PITPNM2: variants seen among roughly 807,000 people sequenced by gnomAD.
The protein encoded by PITPNM2 is membrane-associated phosphatidylinositol transfer protein 2.
PITPNM2 carries 35 observed loss-of-function variants against 132.2 expected under a neutral mutation model. The observed-to-expected ratio is 0.26, with a 90% CI of 0.20 to 0.35. The LOEUF (loss-of-function observed/expected upper bound fraction) is 0.35. PITPNM2 is among the 10% of genes least tolerant of loss of function. The pLI is 1.00. For synonymous variants in PITPNM2, 738 were observed against 799.2 expected, an observed-to-expected ratio of 0.92 and a Z score of 1.29; for missense variants, 1,332 against 1,912.0, an observed-to-expected ratio of 0.70 and a Z score of 5.66.
chr12:123,017,045 CAAAAAAAAA>C (rs1240479984), intron 3 of PITPNM2, among the ~76,000 whole-genome samples: 2 of 82,584 alleles, frequency 2.4e-5, no homozygotes, highest in African/African-American at 9.3e-5. Flanking sequence ...GACTCCATCT[CAAAAAAAAA>C]AAAAGAAAAA....
chr12:122,987,064 G>T (rs533932864), intron 23 of PITPNM2, among the ~76,000 whole-genome samples: 1 of 152,274 alleles, frequency 6.6e-6, no homozygotes. Flanking sequence ...TTCCAGATGC[G>T]GGAATTGAAA....
chr12:122,998,732 C>T (rs1174967719), intron 10 of PITPNM2, among the ~76,000 whole-genome samples: 1 of 151,014 alleles, frequency 6.6e-6, no homozygotes, highest in Non-Finnish European at 1.5e-5. Flanking sequence ...CCTGAACTGG[C>T]CAGGGGGTAG....
chr12:123,100,321 T>G (rs2042530413), intron 2 of PITPNM2, among the ~76,000 whole-genome samples: 1 of 152,172 alleles, frequency 6.6e-6, no homozygotes. Context: ...AAATGAAACA[T>G]GTTCAATAAA....
At chr12:123,070,737 GC>G (rs1228888814) in intron 2 of PITPNM2, among the ~76,000 whole-genome samples, 1 of 152,202 alleles carries the variant, frequency 6.6e-6, no homozygotes, top group East Asian at 1.9e-4. Context: ...GCTTAGGCCT[GC>G]CCCCCATGCC....
intron 19 of PITPNM2, 55 bp downstream of exon 19, chr12:122,988,645 TCCCCTCGTCTGTGAAATGTGGCCC>T: frequency 7.1e-7 from 1 of 1,414,330 alleles, no homozygotes; most frequent in Non-Finnish European, 9.6e-7. Flanking sequence ...GTCCCCACTG[TCCCCTCGTCTGTGAAATGTGGCCC>T]TGTCATGGGT....
Position 123,064,573 on chromosome 12 carries a change from C to T in PITPNM2, c.-95-29888G>A, listed in dbSNP as rs1406542959. ...CCTGGGGCTATTTCGGGAAGCTCTG[C>T]GCACAGCCCGCCACTTCCCTGCCAG... On this transcript the variant is annotated intron_variant, in intron 2 of 25. Coordinates refer to ENST00000320201, the MANE Select transcript of PITPNM2 (RefSeq NM_020845.3). This position sits in a 1 kb window ranked among gnomAD's most constrained non-coding sequence, Gnocchi z 4.0. Among the ~76,000 whole-genome samples the T allele has an allele frequency of 6.6e-6, 1 of 152,160 alleles. No individual in the cohort carries two copies. The highest frequency in any genetic ancestry group is 2.4e-5 in the African/African-American group (1 of 41,418).
At position 123,022,870 on chromosome 12, in the gene PITPNM2, A is replaced by G. The variant is rs754439178; in HGVS notation, c.79-8828T>C. On this transcript the variant is annotated intron_variant, in intron 3 of 25. Coordinates refer to ENST00000320201, the MANE Select transcript of PITPNM2 (RefSeq NM_020845.3). This position sits in a 1 kb window ranked among gnomAD's most constrained non-coding sequence, Gnocchi z 4.9. Reference sequence around the variant, plus strand: ...GGGGCACCGGCCAGATGCCACATCTACACTCAGGGATCTGATGTGCCCTGC... The same window carrying G: ...GGGGCACCGGCCAGATGCCACATCTGCACTCAGGGATCTGATGTGCCCTGC... Among the ~76,000 whole-genome samples, 4 of 152,336 alleles carry G rather than the reference A, an allele frequency of 2.6e-5. No individual in the cohort carries two copies. Among genetic ancestry groups the G allele is most frequent in the Non-Finnish European group, 4.4e-5 (3 of 68,018 alleles).
chr12:123,083,931 T>A lies in PITPNM2; in HGVS notation c.-96+26454A>T, dbSNP rs976417687. On this transcript the variant is annotated intron_variant, in intron 2 of 25. Coordinates refer to ENST00000320201, the MANE Select transcript of PITPNM2 (RefSeq NM_020845.3). This position sits in a 1 kb window ranked among gnomAD's most constrained non-coding sequence, Gnocchi z 4.5. ...CCCATTTTTCTGAGCTTAACAAGCTTGGTGAATTGAAATCAGGTGGACCAC... is the reference window on the plus strand; with the variant it reads ...CCCATTTTTCTGAGCTTAACAAGCTAGGTGAATTGAAATCAGGTGGACCAC... The A allele has an allele frequency of 1.3e-5, 2 of 152,274 alleles. No individual in the cohort carries two copies. The highest frequency in any genetic ancestry group is 1.3e-4 in the Admixed American group (2 of 15,288). The allele number at this position is 152,274 out of a possible 1,614,324, so 9.4% of individuals were successfully genotyped here.
At chr12:123,137,185 G>A (rs1020643780) in intron 1 of PITPNM2, among the ~76,000 whole-genome samples, 6 of 152,206 alleles carry the variant, frequency 3.9e-5, no homozygotes, top group African/African-American at 1.4e-4. Context: ...CAAGGGGACA[G>A]AACTACAGGA....
intron 1 of PITPNM2, among the ~76,000 whole-genome samples, chr12:123,124,551 G>C (rs1248224151): frequency 4.6e-5 from 7 of 152,184 alleles, no homozygotes; most frequent in Non-Finnish European, 8.8e-5. Context: ...AGATATTGAA[G>C]ACAGGGGTGG....
At chr12:123,073,384 T>C (rs2041673711) in intron 2 of PITPNM2, among the ~76,000 whole-genome samples, 1 of 152,154 alleles carries the variant, frequency 6.6e-6, no homozygotes, top group Non-Finnish European at 1.5e-5. Flanking sequence ...TCCTGACCCA[T>C]TGAAGAGTAA....
chr12:123,064,348 C>T lies in PITPNM2; in HGVS notation c.-95-29663G>A, dbSNP rs550973074. Among the ~76,000 whole-genome samples, 10 of 152,290 alleles carry T rather than the reference C, an allele frequency of 6.6e-5. No individual in the cohort carries two copies. The highest frequency in any genetic ancestry group is 5.8e-4 in the East Asian group (3 of 5,194). On this transcript the variant is annotated intron_variant, in intron 2 of 25. Coordinates refer to ENST00000320201, the MANE Select transcript of PITPNM2 (RefSeq NM_020845.3). The surrounding 1 kb of genome is among the most constrained non-coding windows in gnomAD (Gnocchi z 4.0). ...TTCTGGGCCCAGGGTGACACCAAACCGATCCCAACCAGCACCCCAAGGCCT... is the reference window on the plus strand; with the variant it reads ...TTCTGGGCCCAGGGTGACACCAAACTGATCCCAACCAGCACCCCAAGGCCT...
At chr12:123,114,959 C>A in intron 1 of PITPNM2, among the ~76,000 whole-genome samples, 1 of 152,166 alleles carries the variant, frequency 6.6e-6, no homozygotes, top group Non-Finnish European at 1.5e-5. Context: ...TGCATGAGGG[C>A]CAGGCGTGCT....
intron 2 of PITPNM2, chr12:123,084,263 T>G (rs762019686): frequency 6.6e-6 from 1 of 152,264 alleles, no homozygotes; most frequent in Non-Finnish European, 1.5e-5. Flanking sequence ...CCCACAGATA[T>G]GAAAAACATT....
In PITPNM2 at chr12:122,989,860, G is replaced by C. The variant is rs755293983; in HGVS notation, c.2658C>G (p.Pro886=). The C allele has an allele frequency of 4.3e-5, 60 of 1,380,892 alleles. No individual in the cohort carries two copies. The highest frequency in any genetic ancestry group is 5.3e-5 in the Non-Finnish European group (56 of 1,062,732). The allele number at this position is 1,380,892 out of a possible 1,614,324, so 85.5% of individuals were successfully genotyped here. ...LPAPSPTTPG[P]HPPARKASPG... ...GGCTTGCCTTCCTGGCTGGAGGGTG[G>C]GGGCCAGGGGTGGTGGGGCTGGGGG... is the stretch of plus-strand genomic sequence containing the variant. The change falls in exon 18 of 26, where the codon CCC becomes CCG. Residue 886 remains proline, a synonymous_variant. Transcript: ENST00000320201.
intron 10 of PITPNM2, among the ~76,000 whole-genome samples, chr12:122,998,478 C>T (rs2038522656): frequency 6.6e-6 from 1 of 152,246 alleles, no homozygotes; most frequent in Non-Finnish European, 1.5e-5. Flanking sequence ...TCCTGCCAGG[C>T]CAGGCTGTGG....
intron 1 of PITPNM2, among the ~76,000 whole-genome samples, chr12:123,132,399 A>G (rs1275164955): frequency 6.6e-6 from 1 of 152,180 alleles, no homozygotes; most frequent in Non-Finnish European, 1.5e-5. Context: ...CCAGGGCTCC[A>G]TAAACACAGG....
In PITPNM2 at chr12:123,151,054, G is replaced by A. The variant is rs1229390690; in HGVS notation, c.-501C>T. ...GCCGGCTGGACAGCTCTACGCCGCG[G>A]CGCCGCGGTGCCCCGCGCACCCCAG... On this transcript the variant is annotated 5_prime_UTR_variant, in exon 1 of 26. Coordinates refer to ENST00000320201, the MANE Select transcript of PITPNM2 (RefSeq NM_020845.3). Among the ~76,000 whole-genome samples, 7 of 145,804 alleles carry A rather than the reference G, an allele frequency of 4.8e-5. No individual in the cohort carries two copies. The highest frequency in any genetic ancestry group is 9.1e-5 in the Non-Finnish European group (6 of 65,622).
At chr12:123,021,547 T>C (rs1566252275) in intron 3 of PITPNM2, 2 of 644,288 alleles carry the variant, frequency 3.1e-6, no homozygotes, top group South Asian at 6.9e-5. Context: ...AATGCTGGGA[T>C]TACAGGAGTA....
Sources: gnomAD v4.1 joint callset for allele counts (sites outside exome capture counted in the v4.1 genomes callset) on GRCh38, gnomAD v4.1.1 for gene constraint, Gnocchi (gnomAD v3.1) non-coding constraint, MANE v1.5 for transcripts, NCBI Gene and HGNC (gene_info 2026-07-23, HGNC 2026-07-21) for gene names.